Variants in HERC2 observed in about 807,000 individuals in gnomAD.
HERC2 encodes the protein E3 ubiquitin-protein ligase HERC2.
In HERC2, 102 loss-of-function variants were observed where a neutral mutation model predicts 537.7. The ratio of observed to expected loss-of-function variants is 0.19; its 90% confidence interval spans 0.16 to 0.22. The LOEUF is 0.22. Among genes scored for constraint, HERC2 ranks in the 10% least tolerant of loss-of-function variants. The probability of loss-of-function intolerance (pLI) is 1.00; values close to 1 mark genes in which losing one functional copy is unlikely to be tolerated. For missense variants in HERC2, 4,236 were observed against 6,198.2 expected (o/e 0.68, Z 10.63); for synonymous variants, 2,224 against 2,466.2 (o/e 0.90, Z 2.91).
intron 44 of HERC2, among the ~76,000 whole-genome samples, chr15:28,208,417 T>A (rs1394722460): frequency 6.6e-6 from 1 of 152,078 alleles, no homozygotes; most frequent in African/African-American, 2.4e-5. Context: ...TCTTTCCCTT[T>A]TCATGCCTTC....
At chr15:28,261,777 C>T (rs1446995478) in intron 15 of HERC2, among the ~76,000 whole-genome samples, 1 of 152,150 alleles carries the variant, frequency 6.6e-6, no homozygotes, top group African/African-American at 2.4e-5. Flanking sequence ...ACAATAAACA[C>T]CATATGGGCG....
intron 90 of HERC2, among the ~76,000 whole-genome samples, chr15:28,114,322 A>G (rs1887986409): frequency 6.6e-6 from 1 of 152,224 alleles, no homozygotes. Flanking sequence ...GTCCCAGGGA[A>G]GCCAACAAAG....
rs148253301 is a variant in HERC2, at chr15:28,185,239, G to A, written c.8825+1338C>T. ...TACCCCCCACTTCTGTCTATATAACGTGCTCAACAGCGGCACAGGGCAGTG... is the reference window on the plus strand; with the variant it reads ...TACCCCCCACTTCTGTCTATATAACATGCTCAACAGCGGCACAGGGCAGTG... On this transcript the variant is annotated intron_variant, in intron 56 of 92. Transcript: ENST00000261609. Among the ~76,000 whole-genome samples, 588 of 151,880 alleles carry A rather than the reference G, an allele frequency of 3.9e-3. 6 individuals carry two copies. Among genetic ancestry groups the A allele is most frequent in the African/African-American group, 0.013 (558 of 41,420 alleles).
chr15:28,311,948 GAAT>G (rs1431032277), intron 2 of HERC2, among the ~76,000 whole-genome samples: 2 of 152,278 alleles, frequency 1.3e-5, no homozygotes, highest in South Asian at 2.1e-4. Context: ...ATGGAAACAA[GAAT>G]AATTACCACC....
In HERC2 at chr15:28,260,977, G is replaced by A. The variant is rs774211339; in HGVS notation, c.2123-7C>T. ...ACATCAATCACCTTCTTCCCTACAA[G>A]GGAAGAGGGATGCAGATGCAGCTTC... On this transcript the variant is annotated splice_polypyrimidine_tract_variant and splice_region_variant and intron_variant, in intron 15 of 92. Transcript: ENST00000261609. 7 of 1,608,226 alleles carry A rather than the reference G, an allele frequency of 4.4e-6. No homozygotes were observed. Among genetic ancestry groups the A allele is most frequent in the East Asian group, 2.2e-5 (1 of 44,744 alleles).
rs369550096 is a variant in HERC2, at chr15:28,144,779, G to C, written c.11034C>G (p.Ser3678Arg). Residue 3678 changes from serine (S) to arginine (R), a missense_variant, in exon 72 of 93, where the codon AGC becomes AGG. By Grantham distance (110) the Ser-to-Arg change is moderately radical (BLOSUM62 -1). This residue lies in a region of HERC2 where 356 missense variants were observed against 450.9 expected (regional missense o/e 0.79). Transcript: ENST00000261609. ...ACTCATCCCCTGGGATGCGCAGCTC[G>C]CTGGACCAGTCGGACCACTCTCGGC... ...RSGREWSDWS[S>R]ELRIPGDELK... The C allele has an allele frequency of 6.2e-7, 1 of 1,614,156 alleles. No individual in the cohort carries two copies. Among genetic ancestry groups the C allele is most frequent in the Admixed American group, 1.7e-5 (1 of 60,028 alleles).
At chr15:28,222,489 A>G (rs907319043) in intron 35 of HERC2, among the ~76,000 whole-genome samples, 5 of 152,186 alleles carry the variant, frequency 3.3e-5, no homozygotes, top group African/African-American at 1.2e-4. Flanking sequence ...ACTCCCCCCA[A>G]AAAAGCAAAA....
chr15:28,143,040 T>C lies in HERC2; in HGVS notation c.11419-88A>G, dbSNP rs548993895. 2.6e-5 allele frequency: 34 copies of C among 1,308,958 alleles called. No individual in the cohort carries two copies. In the Admixed American group the frequency reaches 6.0e-4, roughly 23 times the overall value. The allele number at this position is 1,308,958 out of a possible 1,614,324, so 81.1% of individuals were successfully genotyped here. A position where few individuals can be genotyped will look rare whatever the true frequency, so the allele number is the denominator to read the frequency against. ...GTTTCTACCGTCAAATGTTTTATTA[T>C]GTTGGTACTAACTCTTCTAAAAAAA... On this transcript the variant is annotated intron_variant, in intron 74 of 92. Coordinates refer to ENST00000261609, the MANE Select transcript of HERC2 (RefSeq NM_004667.6).
At position 28,129,780 on chromosome 15, in the gene HERC2, C is replaced by CTTTTTTTTTTTTTT. The variant is rs36068402; in HGVS notation, c.12802+369_12802+382dup. Among the ~76,000 whole-genome samples, 11 of 143,552 alleles carry CTTTTTTTTTTTTTT rather than the reference C, an allele frequency of 7.7e-5. 3 individuals carry two copies. Among genetic ancestry groups the CTTTTTTTTTTTTTT allele is most frequent in the Non-Finnish European group, 6.1e-5 (4 of 65,892 alleles). The allele number at this position is 143,552 out of a possible 152,430, so 94.2% of individuals were successfully genotyped here. A position where few individuals can be genotyped will look rare whatever the true frequency, so the allele number is the denominator to read the frequency against. On this transcript the variant is annotated intron_variant, in intron 83 of 92. Coordinates refer to ENST00000261609, the MANE Select transcript of HERC2 (RefSeq NM_004667.6). ...AGGACACAGTATAAGCCTCTGCCTCCTTTTTTTTTTTTTTTTTGAGACAGT... is the reference window on the plus strand; with the variant it reads ...AGGACACAGTATAAGCCTCTGCCTCCTTTTTTTTTTTTTTTTTTTTTTTTTTTTTTTGAGACAGT...
intron 31 of HERC2, 135 bp downstream of exon 31, chr15:28,230,232 A>G: frequency 1.2e-6 from 1 of 864,596 alleles, no homozygotes; most frequent in Non-Finnish European, 1.9e-6. Context: ...AGCCAAGTTC[A>G]TGAAGCATCA....
chr15:28,157,724 T>C (rs1270640042), intron 69 of HERC2, among the ~76,000 whole-genome samples: 2 of 152,234 alleles, frequency 1.3e-5, no homozygotes, highest in African/African-American at 4.8e-5. Context: ...GAAGGGTTTT[T>C]TGTGTCTCTA....
chr15:28,137,911 A>G (rs959148360), intron 78 of HERC2, among the ~76,000 whole-genome samples: 5 of 152,240 alleles, frequency 3.3e-5, no homozygotes, highest in African/African-American at 1.2e-4. Context: ...AAGTTCTTGA[A>G]GCACAATTAA....
At chr15:28,295,586 T>C (rs1174121571) in intron 3 of HERC2, among the ~76,000 whole-genome samples, 1 of 151,978 alleles carries the variant, frequency 6.6e-6, no homozygotes, top group African/African-American at 2.4e-5. Flanking sequence ...TTAGTAGAGA[T>C]GGGGTTTCAC....
chr15:28,315,901 T>C, intron 2 of HERC2: 1 of 458,248 alleles, frequency 2.2e-6, no homozygotes, highest in Non-Finnish European at 4.4e-6. Context: ...TAGAACTTCA[T>C]CGCCCTCTGA....
At chr15:28,225,151 G>C (rs1197559527) in intron 35 of HERC2, among the ~76,000 whole-genome samples, 1 of 152,162 alleles carries the variant, frequency 6.6e-6, no homozygotes, top group South Asian at 2.1e-4. Context: ...ACTTTGGGAG[G>C]CTGAGGCAGG....
At chr15:28,269,891 G>A (rs1596357682) in intron 10 of HERC2, among the ~76,000 whole-genome samples, 2 of 152,236 alleles carry the variant, frequency 1.3e-5, no homozygotes, top group Admixed American at 1.3e-4. Flanking sequence ...ATGTGCACGG[G>A]CACACACACG....
chr15:28,289,220 T>C (rs1168859895), intron 4 of HERC2, among the ~76,000 whole-genome samples: 13 of 152,050 alleles, frequency 8.5e-5, no homozygotes. Context: ...AAATGCACTT[T>C]ACACATACAC....
intron 4 of HERC2, among the ~76,000 whole-genome samples, chr15:28,280,892 AGAGT>A (rs1395218402): frequency 3.3e-5 from 5 of 152,224 alleles, no homozygotes; most frequent in East Asian, 3.9e-4. Context: ...CCTGGGTGAC[AGAGT>A]GAGACTCTGT....
intron 2 of HERC2, among the ~76,000 whole-genome samples, chr15:28,308,201 C>T (rs1456055775): frequency 2.0e-4 from 30 of 152,074 alleles, no homozygotes. Flanking sequence ...AATATTTTTC[C>T]ATCTTTTGTG....
Sources: allele counts gnomAD v4.1 joint callset (sites outside exome capture counted in the v4.1 genomes callset), GRCh38; gene constraint gnomAD v4.1.1; regional missense constraint gnomAD v4.1.1; transcripts MANE v1.5; gene names NCBI Gene and HGNC (gene_info 2026-07-23, HGNC 2026-07-21).